Variants in SNX1 observed in about 807,000 individuals in gnomAD.
The protein encoded by SNX1 is sorting nexin 1, also known as sorting nexin-1.
A neutral mutation model predicts 71.8 loss-of-function variants in SNX1; 36 were observed. The ratio of observed to expected loss-of-function variants is 0.50; its 90% confidence interval spans 0.38 to 0.66. SNX1 has a LOEUF of 0.66. Among genes scored for constraint, SNX1 ranks in the 30% least tolerant of loss-of-function variants. The pLI, the probability that SNX1 is intolerant of heterozygous loss-of-function variation, is 0.00. For missense variants in SNX1, 612 were observed against 646.7 expected, an observed-to-expected ratio of 0.95 and a Z score of 0.58; for synonymous variants, 254 against 240.7, an observed-to-expected ratio of 1.06 and a Z score of -0.51.
At chr15:64,124,160 A>ATATATATATATATG (rs2081225173) in intron 5 of SNX1, among the ~76,000 whole-genome samples, 5 of 32,934 alleles carry the variant, frequency 1.5e-4, no homozygotes, top group Non-Finnish European at 1.1e-3. Flanking sequence ...ATATATATAT[A>ATATATATATATATG]TATATATATA....
chr15:64,112,513 A>C (rs2081086627), intron 1 of SNX1, 60 bp from the exon 2 acceptor site: 3 of 1,180,958 alleles, frequency 2.5e-6, no homozygotes, highest in Non-Finnish European at 2.4e-6. Flanking sequence ...GTTGCTTTCT[A>C]GGCAAGTTGG....
At chr15:64,100,629 GACTCAAAAAAA>G (rs1555489618) in intron 1 of SNX1, among the ~76,000 whole-genome samples, 167 of 134,424 alleles carry the variant, frequency 1.2e-3, no homozygotes, top group Non-Finnish European at 2.0e-3. Flanking sequence ...AAAAAAAAGA[GACTCAAAAAAA>G]TTACTGAAAT....
At chr15:64,130,819 G>A (rs940066748) in intron 10 of SNX1, among the ~76,000 whole-genome samples, 11 of 152,192 alleles carry the variant, frequency 7.2e-5, no homozygotes, top group Admixed American at 3.9e-4. Context: ...AAGACCCATA[G>A]CATGAGGCCA....
rs781592699 is a variant in SNX1 at position 64,127,242 on chromosome 15, G to T, written c.721G>T (p.Ala241Ser). ...SAEFLEKRRA[A>S]LERYLQRIVN... ...AGAATTTCTTGAAAAACGGAGGGCC[G>T]CTTTAGAAAGGTAAGTGCCATGCAG... Residue 241 changes from alanine to serine, a missense_variant, in exon 7 of 15, where the codon GCT becomes TCT. By Grantham distance (99) the Ala-to-Ser change is moderately conservative (BLOSUM62 1). Coordinates refer to ENST00000559844, the MANE Select transcript of SNX1 (RefSeq NM_003099.5). 6.2e-7 allele frequency: 1 copy of T among 1,612,582 alleles called. No homozygotes were observed. The highest frequency in any genetic ancestry group is 1.7e-5 in the Admixed American group (1 of 59,754).
chr15:64,118,183 T>C lies in SNX1; in HGVS notation c.338T>C (p.Leu113Pro). 1 of 1,613,616 alleles carries C rather than the reference T, an allele frequency of 6.2e-7. No homozygotes were observed. The highest frequency in any genetic ancestry group is 2.2e-5 in the East Asian group (1 of 44,872). The change falls in exon 3 of 15, where the codon CTC (leucine) becomes CCC (proline). Residue 113 changes from leucine to proline, a missense_variant. Around this residue, in one of 2 missense-constraint regions of SNX1, gnomAD observed 316 missense variants for 284.9 expected, o/e 1.11. Coordinates refer to ENST00000559844, the MANE Select transcript of SNX1 (RefSeq NM_003099.5). ...CAGAAGAAGGTGCTAGCCAAAACAC[T>C]CATTTCTCTTCCTCCTCAGGAAGCC... ...NNQKKVLAKT[L>P]ISLPPQEATN...
intron 10 of SNX1, among the ~76,000 whole-genome samples, chr15:64,131,114 C>G (rs559195729): frequency 7.1e-4 from 108 of 152,264 alleles, no homozygotes; most frequent in African/African-American, 2.4e-3. Context: ...GAAACCCTGT[C>G]TCTGCTAAAA....
chr15:64,130,382 A>G, intron 10 of SNX1, 61 bp downstream of exon 10: 3 of 1,288,562 alleles, frequency 2.3e-6, no homozygotes, highest in Non-Finnish European at 3.4e-6. Flanking sequence ...TGAACTGGAG[A>G]TGCGAGGGCA....
Position 64,118,805 on chromosome 15 carries a change from G to A in SNX1, c.417G>A (p.Gln139=), listed in dbSNP as rs749287598. 6.8e-6 allele frequency: 11 copies of A among 1,613,150 alleles called. No individual in the cohort carries two copies. The South Asian group carries it at 1.2e-4, about 18-fold the overall frequency. The change falls in exon 4 of 15, where the codon CAG becomes CAA. Residue 139 remains glutamine (Q), a synonymous_variant. Coordinates refer to ENST00000559844, the MANE Select transcript of SNX1 (RefSeq NM_003099.5). ...TGAAAAAGCTAGAGGAAGAAGAACA[G>A]GAGGATCAATTTGATTTGACAGTCG... The part of the protein sequence containing the change: ...PTYEELEEEE[Q]EDQFDLTVGI...
intron 8 of SNX1, among the ~76,000 whole-genome samples, chr15:64,128,559 A>G (rs138995740): frequency 0.015 from 2,285 of 152,296 alleles, 25 homozygotes; most frequent in Non-Finnish European, 0.023. Context: ...TTTCATTTGT[A>G]TGTAGTATGT....
chr15:64,137,403 G>A (rs2081370083), intron 14 of SNX1, among the ~76,000 whole-genome samples, 165 bp from the exon 15 acceptor site: 1 of 152,250 alleles, frequency 6.6e-6, no homozygotes, highest in African/African-American at 2.4e-5. Context: ...CTTCCCTGTC[G>A]AGAGGGAGGT....
chr15:64,136,060 G>T (rs1458759741), intron 12 of SNX1, among the ~76,000 whole-genome samples: 1 of 152,182 alleles, frequency 6.6e-6, no homozygotes, highest in Non-Finnish European at 1.5e-5. Context: ...TAAACTGGAG[G>T]CTGCTGGCAT....
intron 10 of SNX1, 67 bp downstream of exon 10, chr15:64,130,388 G>C: frequency 7.9e-7 from 1 of 1,272,144 alleles, no homozygotes; most frequent in Non-Finnish European, 1.1e-6. Flanking sequence ...GGAGATGCGA[G>C]GGCATGCTGT....
chr15:64,111,225 C>T (rs536771561), intron 1 of SNX1, among the ~76,000 whole-genome samples: 1 of 152,236 alleles, frequency 6.6e-6, no homozygotes, highest in South Asian at 2.1e-4. Flanking sequence ...TTGTATTTAT[C>T]CTGTTTCTGT....
At chr15:64,097,630 G>T (rs2080916924) in intron 1 of SNX1, among the ~76,000 whole-genome samples, 1 of 152,132 alleles carries the variant, frequency 6.6e-6, no homozygotes, top group African/African-American at 2.4e-5. Context: ...AATAATCTTT[G>T]TAATGTGGAA....
intron 5 of SNX1, 61 bp from the exon 6 acceptor site, chr15:64,126,018 C>T: frequency 1.3e-6 from 2 of 1,564,942 alleles, no homozygotes; most frequent in African/African-American, 1.4e-5. Context: ...AATAGGATGA[C>T]TTTCAAGATA....
chr15:64,136,504 T>C, intron 13 of SNX1, 94 bp downstream of exon 13: 1 of 1,112,782 alleles, frequency 9.0e-7, no homozygotes, highest in Middle Eastern at 1.9e-4. Flanking sequence ...AAGAGAGAGG[T>C]GCCAGTAACT....
intron 1 of SNX1, among the ~76,000 whole-genome samples, chr15:64,102,710 AT>A (rs1183878988): frequency 6.9e-6 from 1 of 145,836 alleles, no homozygotes; most frequent in Admixed American, 6.9e-5. Context: ...ACAGGAGTTC[AT>A]TCTTTTTTAT....
chr15:64,104,309 G>A lies in SNX1; in HGVS notation c.159+8137G>A, dbSNP rs138863195. On this transcript the variant is annotated intron_variant, in intron 1 of 14. Transcript: ENST00000559844. Reference sequence around the variant, plus strand: ...TTTTTTTGGGACGGAGTCTCGCTGTGTCGCCCCAGCTGGAGTGCAGTGGCG... The same window carrying A: ...TTTTTTTGGGACGGAGTCTCGCTGTATCGCCCCAGCTGGAGTGCAGTGGCG... Among the ~76,000 whole-genome samples the A allele has an allele frequency of 7.0e-4, 93 of 132,576 alleles. 1 individual carries two copies. In the East Asian group the frequency reaches 0.018, roughly 26 times the overall value. 87.0% of individuals were successfully genotyped at this position (132,576 alleles called of 152,430 possible).
intron 4 of SNX1, among the ~76,000 whole-genome samples, chr15:64,119,228 C>T (rs147332597): frequency 0.01 from 1,548 of 152,214 alleles, 26 homozygotes; most frequent in African/African-American, 0.028. Context: ...AAGCAGTCCT[C>T]CCGCCTGAGC....
Sources: allele counts gnomAD v4.1 joint callset (sites outside exome capture counted in the v4.1 genomes callset), GRCh38; gene constraint gnomAD v4.1.1; regional missense constraint gnomAD v4.1.1; transcripts MANE v1.5; gene names NCBI Gene and HGNC (gene_info 2026-07-23, HGNC 2026-07-21).